The following IL1R1 variants were observed in gnomAD, a reference collection of about 807,000 sequenced individuals.
The protein encoded by IL1R1 is interleukin-1 receptor type 1.
Under a neutral mutation model 50.2 loss-of-function variants are expected in IL1R1, and 22 were observed. The observed-to-expected ratio is 0.44, with a 90% CI of 0.31 to 0.63. The LOEUF is 0.63. Among genes scored for constraint, IL1R1 ranks in the 20% least tolerant of loss-of-function variants. The pLI is 0.07. For synonymous variants in IL1R1, 251 were observed against 236.7 expected (o/e 1.06, Z -0.55); for missense variants, 509 against 676.2 (o/e 0.75, Z 2.74).
At chr2:102,140,513 T>A (rs1341413136), upstream of IL1R1, among the ~76,000 whole-genome samples, 1 of 152,188 alleles carries the variant, frequency 6.6e-6, no homozygotes. Context: ...TTCTGTTTCT[T>A]GTAAGTTTTT....
chr2:102,098,094 A>G (rs1230765373), intron 1 of IL1R1, among the ~76,000 whole-genome samples: 1 of 152,122 alleles, frequency 6.6e-6, no homozygotes, highest in Non-Finnish European at 1.5e-5. Flanking sequence ...TATACCAGAA[A>G]TATAAAGATG....
At chr2:102,129,790 C>CATAAA (rs1681930730) in intron 1 of IL1R1, among the ~76,000 whole-genome samples, 1 of 152,146 alleles carries the variant, frequency 6.6e-6, no homozygotes, top group African/African-American at 2.4e-5. Flanking sequence ...GTAGAGCAGA[C>CATAAA]GTTCTTGAAC....
chr2:102,107,041 A>G (rs922101051), intron 1 of IL1R1, among the ~76,000 whole-genome samples: 5 of 152,180 alleles, frequency 3.3e-5, no homozygotes, highest in African/African-American at 1.2e-4. Context: ...GGGCATGGGC[A>G]TTTTAAAAAC....
chr2:102,111,333 C>T (rs528558072), intron 1 of IL1R1, among the ~76,000 whole-genome samples: 46 of 152,240 alleles, frequency 3.0e-4, no homozygotes, highest in Middle Eastern at 6.8e-3. Context: ...ACAGTGGGGC[C>T]GCTGCTGCAC....
At chr2:102,132,610 A>G (rs1340442633) in intron 1 of IL1R1, among the ~76,000 whole-genome samples, 2 of 152,210 alleles carry the variant, frequency 1.3e-5, no homozygotes, top group Non-Finnish European at 2.9e-5. Flanking sequence ...CTAAATAGAA[A>G]ACAGAAATAC....
chr2:102,166,519 T>C lies in IL1R1; in HGVS notation c.655+238T>C, dbSNP rs532762339. Reference sequence around the variant, plus strand: ...GACATTATGAGCTGTGTTTTCCAACTGATTTAAGAGGGTTGTTCTTTGGCA... The same window carrying C: ...GACATTATGAGCTGTGTTTTCCAACCGATTTAAGAGGGTTGTTCTTTGGCA... On this transcript the variant is annotated intron_variant, in intron 6 of 11. Transcript: ENST00000410023. 8.7e-4 allele frequency among the ~76,000 whole-genome samples: 133 copies of C among 152,330 alleles called. 1 individual carries two copies. The highest frequency in any genetic ancestry group is 9.6e-4 in the East Asian group (5 of 5,186).
At chr2:102,144,719 A>G (rs1682965731) in intron 1 of IL1R1, among the ~76,000 whole-genome samples, 1 of 152,154 alleles carries the variant, frequency 6.6e-6, no homozygotes, top group African/African-American at 2.4e-5. Flanking sequence ...GGTCTTTGAA[A>G]TCCGCCCCTT....
Position 102,165,112 on chromosome 2 carries a change from T to C in IL1R1, c.297-3T>C, listed in dbSNP as rs1685061936. On this transcript the variant is annotated splice_region_variant and splice_polypyrimidine_tract_variant and intron_variant, in intron 4 of 11. Coordinates refer to ENST00000410023, the MANE Select transcript of IL1R1 (RefSeq NM_000877.4). Reference sequence around the variant, plus strand: ...TTAACTTACCTATTTTATTTTATTTTAGAAATTCATCTTACTGCCTCAGAA... The same window carrying C: ...TTAACTTACCTATTTTATTTTATTTCAGAAATTCATCTTACTGCCTCAGAA... 6.4e-7 allele frequency: 1 copy of C among 1,564,942 alleles called. No individual in the cohort carries two copies. Among genetic ancestry groups the C allele is most frequent in the Non-Finnish European group, 8.6e-7 (1 of 1,158,270 alleles).
At position 102,157,700 on chromosome 2, in the gene IL1R1, C is replaced by T. The variant is rs200487555; in HGVS notation, c.-6-19C>T. 36 of 1,543,112 alleles carry T rather than the reference C, an allele frequency of 2.3e-5. No individual in the cohort carries two copies. In the East Asian group the frequency reaches 4.0e-4, roughly 17 times the overall value. ...AACATTTTTGCTTTTGTCTTTCTTT[C>T]GTTCCTCCATTTCTCCAGAAGAATA... On this transcript the variant is annotated intron_variant, in intron 2 of 11. Coordinates refer to ENST00000410023, the MANE Select transcript of IL1R1 (RefSeq NM_000877.4).
At chr2:102,086,895 AT>A (rs1679455623) in intron 1 of IL1R1, among the ~76,000 whole-genome samples, 1 of 152,102 alleles carries the variant, frequency 6.6e-6, no homozygotes. Context: ...TGAAGCCCAT[AT>A]TTTTTAAGAT....
At position 102,176,557 on chromosome 2, in the gene IL1R1, T is replaced by C; in HGVS notation, c.1508T>C (p.Ile503Thr). 6.2e-7 allele frequency: 1 copy of C among 1,614,112 alleles called. No individual in the cohort carries two copies. The highest frequency in any genetic ancestry group is 8.5e-7 in the Non-Finnish European group (1 of 1,180,002). ...IQDYEKMPES[I>T]KFIKQKHGAI... Reference sequence around the variant, plus strand: ...GACTATGAGAAAATGCCAGAATCGATTAAATTCATTAAGCAGAAACATGGG... The same window carrying C: ...GACTATGAGAAAATGCCAGAATCGACTAAATTCATTAAGCAGAAACATGGG... The change falls in exon 12 of 12, where the codon ATT (isoleucine) becomes ACT (threonine). Residue 503 changes from isoleucine to threonine, a missense_variant. By Grantham distance (89) the Ile-to-Thr change is moderately conservative. Transcript: ENST00000410023.
intron 1 of IL1R1, among the ~76,000 whole-genome samples, chr2:102,084,384 G>A (rs1182538853): frequency 6.6e-6 from 1 of 152,134 alleles, no homozygotes. Flanking sequence ...ACAGCGTACA[G>A]CCCTGTAATA....
At chr2:102,141,639 T>C (rs1682652352), upstream of IL1R1, 1 of 152,244 alleles carries the variant, frequency 6.6e-6, no homozygotes, top group African/African-American at 2.4e-5. Flanking sequence ...TCAGGTTACC[T>C]CAATTCTTGA....
At chr2:102,127,083 C>A (rs1016566594) in intron 1 of IL1R1, among the ~76,000 whole-genome samples, 1 of 152,204 alleles carries the variant, frequency 6.6e-6, no homozygotes, top group Non-Finnish European at 1.5e-5. Flanking sequence ...AGATTTCAGC[C>A]TCTCCCTTCT....
chr2:102,117,961 GTA>G, intron 1 of IL1R1, among the ~76,000 whole-genome samples: 1 of 149,344 alleles, frequency 6.7e-6, no homozygotes, highest in Admixed American at 6.7e-5. Context: ...TATAGGAAAT[GTA>G]TATATATATA....
chr2:102,169,257 T>G (rs947096045), intron 7 of IL1R1, among the ~76,000 whole-genome samples: 1 of 152,232 alleles, frequency 6.6e-6, no homozygotes, highest in African/African-American at 2.4e-5. Flanking sequence ...TTTTCCAAGT[T>G]AGTGAACATT....
chr2:102,143,498 A>C (rs908711786), intron 1 of IL1R1, among the ~76,000 whole-genome samples: 5 of 152,324 alleles, frequency 3.3e-5, no homozygotes, highest in African/African-American at 2.4e-5. Context: ...GAAGACACTC[A>C]TTATTTACAA....
At chr2:102,110,095 C>T (rs12989255) in intron 1 of IL1R1, among the ~76,000 whole-genome samples, 39,937 of 151,974 alleles carry the variant, frequency 0.26, 5,805 homozygotes, top group African/African-American at 0.39. Context: ...TTTCTCTTCC[C>T]TTTCTGCAGA....
At chr2:102,116,443 G>A (rs112568867) in intron 1 of IL1R1, among the ~76,000 whole-genome samples, 32 of 152,250 alleles carry the variant, frequency 2.1e-4, no homozygotes, top group African/African-American at 7.7e-4. Context: ...AAATTTAAGG[G>A]GAAGTGAGAT....
Sources: allele counts gnomAD v4.1 joint callset (sites outside exome capture counted in the v4.1 genomes callset), GRCh38; gene constraint gnomAD v4.1.1; transcripts MANE v1.5; gene names NCBI Gene and HGNC (gene_info 2026-07-23, HGNC 2026-07-21).